HS3ST5: variants seen among roughly 807,000 people sequenced by gnomAD.
HS3ST5 encodes the protein heparan sulfate-glucosamine 3-sulfotransferase 5.
In HS3ST5, 10 loss-of-function variants were observed where a neutral mutation model predicts 25.4. That is an observed-to-expected ratio of 0.39 (90% CI 0.24 to 0.67). The LOEUF (loss-of-function observed/expected upper bound fraction) is 0.67. Ranked by LOEUF, HS3ST5 falls within the 30% of genes least tolerant of loss-of-function variation. HS3ST5 has a pLI of 0.44. For synonymous variants in HS3ST5, 170 were observed against 162.4 expected, an observed-to-expected ratio of 1.05 and a Z score of -0.36; for missense variants, 324 against 420.7, an observed-to-expected ratio of 0.77 and a Z score of 2.01.
At chr6:114,209,155 T>C (rs1436977685) in intron 2 of HS3ST5, among the ~76,000 whole-genome samples, 3 of 152,192 alleles carry the variant, frequency 2.0e-5, no homozygotes, top group Non-Finnish European at 2.9e-5. Flanking sequence ...ATGGGTATAA[T>C]GTTCTTTTTT....
chr6:114,103,348 AT>A (rs1348761092), intron 3 of HS3ST5, among the ~76,000 whole-genome samples: 2 of 152,008 alleles, frequency 1.3e-5, no homozygotes, highest in African/African-American at 4.8e-5. Context: ...CTTAAAAAAA[AT>A]GATAAACACA....
At chr6:114,226,902 GAA>G (rs1447370129) in intron 2 of HS3ST5, among the ~76,000 whole-genome samples, 1 of 151,892 alleles carries the variant, frequency 6.6e-6, no homozygotes, top group Admixed American at 6.6e-5. Flanking sequence ...AAAAAAGAAA[GAA>G]AGAGAGAGAT....
Position 114,089,567 on chromosome 6 carries a change from C to T in HS3ST5, c.-32-26690G>A, listed in dbSNP as rs186553396. On this transcript the variant is annotated intron_variant, in intron 3 of 4. Transcript: ENST00000312719. ...AAGCAAACTTATTAGTTTTTATTAG[C>T]GCTTCCACTTTGAAATGTGGAGCCA... Among the ~76,000 whole-genome samples the T allele has an allele frequency of 3.9e-4, 59 of 152,222 alleles. 1 individual carries two copies. In the East Asian group the frequency reaches 8.1e-3, roughly 21 times the overall value.
At chr6:114,309,467 C>G (rs1775440041) in intron 1 of HS3ST5, among the ~76,000 whole-genome samples, 1 of 152,198 alleles carries the variant, frequency 6.6e-6, no homozygotes, top group Admixed American at 6.5e-5. Context: ...AATGCCAGCA[C>G]TTTGGGATGC....
At chr6:114,181,863 G>T (rs1055189480) in intron 2 of HS3ST5, among the ~76,000 whole-genome samples, 3 of 149,546 alleles carry the variant, frequency 2.0e-5, no homozygotes, top group Admixed American at 6.8e-5. Flanking sequence ...AGGGAACTTA[G>T]GGAAGTGTGT....
intron 3 of HS3ST5, among the ~76,000 whole-genome samples, chr6:114,063,115 G>A (rs1425299118): frequency 6.6e-6 from 1 of 152,178 alleles, no homozygotes. Flanking sequence ...GTACTAACTA[G>A]ACAGAACCTG....
At chr6:114,095,735 CACG>C (rs1775390558) in intron 3 of HS3ST5, among the ~76,000 whole-genome samples, 1 of 152,124 alleles carries the variant, frequency 6.6e-6, no homozygotes, top group East Asian at 1.9e-4. Context: ...AATTTATCCT[CACG>C]TCTATTCCCA....
At chr6:114,241,132 G>GT (rs34220294) in intron 1 of HS3ST5, among the ~76,000 whole-genome samples, 39,847 of 117,568 alleles carry the variant, frequency 0.34, 6,743 homozygotes, top group African/African-American at 0.4. Flanking sequence ...AGAAAAATCA[G>GT]TTTTTTTTTT....
At chr6:114,199,935 AG>A (rs1212590300) in intron 2 of HS3ST5, among the ~76,000 whole-genome samples, 6 of 152,138 alleles carry the variant, frequency 3.9e-5, no homozygotes, top group Non-Finnish European at 8.8e-5. Context: ...AGGTTTGGGC[AG>A]GGCACGGTGG....
intron 3 of HS3ST5, among the ~76,000 whole-genome samples, chr6:114,100,401 G>A (rs1413710230): frequency 6.6e-6 from 1 of 152,126 alleles, no homozygotes; most frequent in African/African-American, 2.4e-5. Flanking sequence ...ACGAGCAGTA[G>A]TATGGCTAGC....
chr6:114,074,785 TTA>T (rs1774022690), intron 3 of HS3ST5, among the ~76,000 whole-genome samples: 1 of 152,090 alleles, frequency 6.6e-6, no homozygotes, highest in African/African-American at 2.4e-5. Flanking sequence ...TTAGGAAACT[TTA>T]TAAATATTTA....
chr6:114,138,871 C>T (rs531404620), intron 3 of HS3ST5, among the ~76,000 whole-genome samples: 2 of 152,150 alleles, frequency 1.3e-5, no homozygotes, highest in Admixed American at 6.6e-5. Context: ...CTGGTGAGCG[C>T]TTGCTTCCTA....
chr6:114,184,054 C>CTTTTTTTTTTTTTTTTTTTT (rs34370810), intron 2 of HS3ST5, among the ~76,000 whole-genome samples: 1 of 78,688 alleles, frequency 1.3e-5, no homozygotes, highest in Non-Finnish European at 2.2e-5. Flanking sequence ...TTTTTCCTTT[C>CTTTTTTTTTTTTTTTTTTTT]TTTTTTTTTT....
At chr6:114,322,055 A>G (rs989018509) in intron 1 of HS3ST5, among the ~76,000 whole-genome samples, 4 of 152,172 alleles carry the variant, frequency 2.6e-5, no homozygotes, top group African/African-American at 9.6e-5. Flanking sequence ...TCTTGATAGC[A>G]TACAGACTTT....
At chr6:114,304,383 T>C (rs1243261372) in intron 1 of HS3ST5, among the ~76,000 whole-genome samples, 1 of 152,144 alleles carries the variant, frequency 6.6e-6, no homozygotes, top group Non-Finnish European at 1.5e-5. Flanking sequence ...AGCAGTAGTG[T>C]TCTCACAAAG....
chr6:114,323,590 G>A (rs936017538), intron 1 of HS3ST5, among the ~76,000 whole-genome samples: 4 of 152,052 alleles, frequency 2.6e-5, no homozygotes, highest in Admixed American at 1.3e-4. Context: ...TTCCTCATCT[G>A]TAAAAGTATA....
At chr6:114,257,353 G>C (rs1341370981) in intron 1 of HS3ST5, among the ~76,000 whole-genome samples, 1 of 152,156 alleles carries the variant, frequency 6.6e-6, no homozygotes, top group Non-Finnish European at 1.5e-5. Flanking sequence ...CTAAGCTCTT[G>C]ACAAATAGCA....
intron 1 of HS3ST5, among the ~76,000 whole-genome samples, chr6:114,263,023 C>T (rs1018086274): frequency 6.6e-6 from 1 of 151,840 alleles, no homozygotes; most frequent in African/African-American, 2.4e-5. Context: ...TTGCTGTTTC[C>T]CTTAAGTTCT....
At chr6:114,179,654 GTTTT>G (rs5879251) in intron 2 of HS3ST5, among the ~76,000 whole-genome samples, 3 of 91,624 alleles carry the variant, frequency 3.3e-5, no homozygotes, top group Non-Finnish European at 2.3e-5. Flanking sequence ...ATTAGTCAGG[GTTTT>G]TTTTTTTTTT....
Sources: gnomAD v4.1 joint callset for allele counts (sites outside exome capture counted in the v4.1 genomes callset) on GRCh38, gnomAD v4.1.1 for gene constraint, MANE v1.5 for transcripts, NCBI Gene and HGNC (gene_info 2026-07-23, HGNC 2026-07-21) for gene names.